Variants in FRMD6 observed in about 807,000 individuals in gnomAD.
The protein encoded by FRMD6 is FERM domain-containing protein 6.
Under a neutral mutation model 73.2 loss-of-function variants are expected in FRMD6, and 37 were observed. That is an observed-to-expected ratio of 0.51 (90% CI 0.39 to 0.66). The LOEUF (loss-of-function observed/expected upper bound fraction) is 0.66. Among genes scored for constraint, FRMD6 ranks in the 30% least tolerant of loss-of-function variants. The pLI is 0.00. For synonymous variants in FRMD6, 273 were observed against 282.2 expected, an observed-to-expected ratio of 0.97 and a Z score of 0.33; for missense variants, 714 against 780.5, an observed-to-expected ratio of 0.91 and a Z score of 1.02.
In FRMD6 at chr14:51,548,076, C is replaced by G. The variant is rs1480799487; in HGVS notation, c.-209-22272C>G. Among the ~76,000 whole-genome samples, 3 of 152,114 alleles carry G rather than the reference C, an allele frequency of 2.0e-5. No homozygotes were observed. The East Asian group carries it at 5.8e-4, about 29-fold the overall frequency. On this transcript the variant is annotated intron_variant, in intron 1 of 14. Transcript: ENST00000356218. Reference sequence around the variant, plus strand: ...CCGCATCAAGCAGTGGGAATAATTACCAATTTATTTTCTCCTATGAAAAAA... The same window carrying G: ...CCGCATCAAGCAGTGGGAATAATTAGCAATTTATTTTCTCCTATGAAAAAA...
At chr14:51,464,396 GAA>G in the FRMD6 span, among the ~76,000 whole-genome samples, 1 of 146,598 alleles carries the variant, frequency 6.8e-6, no homozygotes, top group African/African-American at 2.5e-5. Context: ...AAAGGTGAAG[GAA>G]AAAAAAAAAT....
At chr14:51,592,039 T>C (rs973020854) in intron 2 of FRMD6, among the ~76,000 whole-genome samples, 2 of 152,132 alleles carry the variant, frequency 1.3e-5, no homozygotes, top group East Asian at 1.9e-4. Context: ...ATATACTCCA[T>C]AGGAAAAAAG....
At chr14:51,517,591 G>C (rs1382652012) in intron 1 of FRMD6, among the ~76,000 whole-genome samples, 1 of 151,944 alleles carries the variant, frequency 6.6e-6, no homozygotes, top group South Asian at 2.1e-4. Flanking sequence ...AAATTACCGA[G>C]CTCTGATCCT....
At chr14:51,674,841 G>A (rs968284923) in intron 1 of FRMD6, among the ~76,000 whole-genome samples, 1 of 152,056 alleles carries the variant, frequency 6.6e-6, no homozygotes, top group African/African-American at 2.4e-5. Flanking sequence ...CCAGTAAATA[G>A]GTAGGTCAAA....
At chr14:51,569,126 G>A (rs960704025) in intron 1 of FRMD6, among the ~76,000 whole-genome samples, 12 of 152,128 alleles carry the variant, frequency 7.9e-5, no homozygotes, top group African/African-American at 1.9e-4. Context: ...GATTACAGGC[G>A]TGAGCCACTG....
At chr14:51,624,303 TAA>T (rs1294937173) in intron 2 of FRMD6, among the ~76,000 whole-genome samples, 1 of 152,196 alleles carries the variant, frequency 6.6e-6, no homozygotes, top group African/African-American at 2.4e-5. Context: ...CCCCTGAACT[TAA>T]AAGTTAAAAT....
the FRMD6 span, among the ~76,000 whole-genome samples, chr14:51,440,226 T>G: frequency 1.3e-5 from 2 of 152,232 alleles, no homozygotes; most frequent in South Asian, 4.1e-4. Context: ...TCTTGAGTCA[T>G]GAAGGAAAGC....
chr14:51,503,039 T>C (rs192025699), intron 1 of FRMD6, among the ~76,000 whole-genome samples: 1 of 152,324 alleles, frequency 6.6e-6, no homozygotes, highest in African/African-American at 2.4e-5. Context: ...TTTTTGCACA[T>C]TGATTTTGTA....
intron 1 of FRMD6, among the ~76,000 whole-genome samples, chr14:51,526,152 C>G (rs1271923955): frequency 6.6e-6 from 1 of 152,146 alleles, no homozygotes; most frequent in Non-Finnish European, 1.5e-5. Context: ...TGCTCTGTAG[C>G]CTGAACTCTA....
chr14:51,490,784 T>C (rs1184215475), intron 1 of FRMD6, among the ~76,000 whole-genome samples: 3 of 152,212 alleles, frequency 2.0e-5, no homozygotes, highest in Non-Finnish European at 4.4e-5. Flanking sequence ...ACTGACCTAC[T>C]ATAAAAATAT....
the FRMD6 span, among the ~76,000 whole-genome samples, chr14:51,424,577 A>G: frequency 1.0e-3 from 158 of 152,310 alleles, no homozygotes; most frequent in African/African-American, 3.5e-3. Context: ...ATATCCCAGA[A>G]AATGTCCTCT....
chr14:51,525,761 A>G (rs1885218655), intron 1 of FRMD6, among the ~76,000 whole-genome samples: 1 of 151,942 alleles, frequency 6.6e-6, no homozygotes, highest in Admixed American at 6.6e-5. Context: ...TGGAACACAC[A>G]CTTTTTTACA....
chr14:51,697,848 C>G (rs527533977), intron 2 of FRMD6: 32 of 220,710 alleles, frequency 1.4e-4, no homozygotes, highest in Non-Finnish European at 1.4e-4. Context: ...ATGCTGCTTA[C>G]TTTCTGAAAC....
At chr14:51,551,599 T>C (rs934303677) in intron 1 of FRMD6, among the ~76,000 whole-genome samples, 2 of 151,974 alleles carry the variant, frequency 1.3e-5, no homozygotes, top group Non-Finnish European at 2.9e-5. Flanking sequence ...TATCCAGGCC[T>C]GATGGTTTGT....
At chr14:51,419,872 C>A in the FRMD6 span, among the ~76,000 whole-genome samples, 1 of 152,112 alleles carries the variant, frequency 6.6e-6, no homozygotes, top group African/African-American at 2.4e-5. Flanking sequence ...TGACTTCCTG[C>A]CCTTGCTAGG....
chr14:51,600,457 G>A (rs138121912), intron 2 of FRMD6, among the ~76,000 whole-genome samples: 4 of 152,220 alleles, frequency 2.6e-5, no homozygotes, highest in Non-Finnish European at 5.9e-5. Flanking sequence ...TTACCAAAGG[G>A]AGAAGAGTTC....
chr14:51,725,304 TCTATCTGA>T (rs1396239081), intron 12 of FRMD6, among the ~76,000 whole-genome samples: 1 of 152,146 alleles, frequency 6.6e-6, no homozygotes, highest in Non-Finnish European at 1.5e-5. Context: ...TCCAGCCAGA[TCTATCTGA>T]CTTCAGAGGC....
intron 1 of FRMD6, among the ~76,000 whole-genome samples, chr14:51,662,342 CCAAGG>C (rs1466657178): frequency 6.6e-6 from 1 of 151,962 alleles, no homozygotes; most frequent in African/African-American, 2.4e-5. Flanking sequence ...GCTTGAATAG[CCAAGG>C]CAATCCTAAG....
intron 1 of FRMD6, among the ~76,000 whole-genome samples, chr14:51,511,580 A>G (rs1884314216): frequency 6.6e-6 from 1 of 152,216 alleles, no homozygotes; most frequent in Non-Finnish European, 1.5e-5. Flanking sequence ...TTGAAACAAA[A>G]AGAAGTTAGG....
Sources: allele counts gnomAD v4.1 joint callset (sites outside exome capture counted in the v4.1 genomes callset), GRCh38; gene constraint gnomAD v4.1.1; transcripts MANE v1.5; gene names NCBI Gene and HGNC (gene_info 2026-07-23, HGNC 2026-07-21).